Variants in EVI5 observed in about 807,000 individuals in gnomAD.
EVI5 encodes the protein ecotropic viral integration site 5 protein homolog.
Under a neutral mutation model 112.0 loss-of-function variants are expected in EVI5, and 73 were observed. The ratio of observed to expected loss-of-function variants is 0.65; its 90% confidence interval spans 0.54 to 0.79. The LOEUF is 0.79. Among genes scored for constraint, EVI5 ranks in the 30% least tolerant of loss-of-function variants. The pLI, the probability that EVI5 is intolerant of heterozygous loss-of-function variation, is 0.00. For missense variants in EVI5, 900 were observed against 968.8 expected, an observed-to-expected ratio of 0.93 and a Z score of 0.94; for synonymous variants, 305 against 319.9, an observed-to-expected ratio of 0.95 and a Z score of 0.50.
intron 19 of EVI5, among the ~76,000 whole-genome samples, chr1:92,544,468 A>T (rs932825114): frequency 1.3e-5 from 2 of 152,192 alleles, no homozygotes; most frequent in Admixed American, 1.3e-4. Flanking sequence ...TAATATATTT[A>T]AAAAATATTC....
intron 6 of EVI5, 95 bp from the exon 7 acceptor site, chr1:92,695,548 T>C: frequency 1.4e-6 from 1 of 712,902 alleles, no homozygotes; most frequent in Non-Finnish European, 2.2e-6. Context: ...CAAACACAGA[T>C]TAGATCAAGC....
chr1:92,639,242 T>C (rs1659472940), intron 13 of EVI5, among the ~76,000 whole-genome samples: 2 of 152,104 alleles, frequency 1.3e-5, no homozygotes, highest in South Asian at 4.1e-4. Flanking sequence ...GCTTTTCTGG[T>C]GTTGCAAAAA....
intron 2 of EVI5, among the ~76,000 whole-genome samples, chr1:92,707,033 G>A (rs1223481165): frequency 6.6e-6 from 1 of 151,918 alleles, no homozygotes; most frequent in Non-Finnish European, 1.5e-5. Context: ...TATAAAATTA[G>A]CCGGGCATGG....
At chr1:92,708,447 C>A (rs947434086) in intron 2 of EVI5, among the ~76,000 whole-genome samples, 2 of 152,030 alleles carry the variant, frequency 1.3e-5, no homozygotes, top group Non-Finnish European at 2.9e-5. Context: ...AAGATAGTTA[C>A]AATCGAGATG....
intron 9 of EVI5, among the ~76,000 whole-genome samples, chr1:92,683,398 C>T (rs978081123): frequency 4.6e-5 from 7 of 152,152 alleles, no homozygotes; most frequent in Admixed American, 1.3e-4. Flanking sequence ...ACCAAAACCC[C>T]ATCCATAGGT....
chr1:92,641,910 C>T (rs187655617), intron 13 of EVI5, among the ~76,000 whole-genome samples: 2 of 152,192 alleles, frequency 1.3e-5, no homozygotes, highest in East Asian at 1.9e-4. Context: ...GAGGCTGAGG[C>T]GGGTGGATCA....
chr1:92,739,639 T>C (rs1329972371), intron 1 of EVI5, among the ~76,000 whole-genome samples: 1 of 152,180 alleles, frequency 6.6e-6, no homozygotes, highest in Non-Finnish European at 1.5e-5. Context: ...CGTTACATAC[T>C]ATTACAATAG....
At chr1:92,623,518 C>T (rs1184334013) in intron 16 of EVI5, among the ~76,000 whole-genome samples, 1 of 152,138 alleles carries the variant, frequency 6.6e-6, no homozygotes, top group African/African-American at 2.4e-5. Flanking sequence ...ATAAAAAGAC[C>T]TTTGCAGATC....
chr1:92,693,695 T>C, intron 9 of EVI5, 107 bp downstream of exon 9: 1 of 657,532 alleles, frequency 1.5e-6, no homozygotes, highest in Non-Finnish European at 2.7e-6. Context: ...TTGAAACCAA[T>C]ACCACCGAAG....
chr1:92,698,101 C>T (rs80131132), intron 5 of EVI5, 116 bp from the exon 6 acceptor site: 112 of 893,360 alleles, frequency 1.3e-4, no homozygotes, highest in Non-Finnish European at 1.9e-4. Context: ...TGGCTGTGTG[C>T]TGCAATGTTA....
intron 16 of EVI5, among the ~76,000 whole-genome samples, chr1:92,614,559 C>T (rs1343976365): frequency 2.6e-5 from 4 of 151,776 alleles, no homozygotes; most frequent in East Asian, 1.9e-4. Context: ...CAGCTGCCAG[C>T]GAATATAAAG....
At chr1:92,572,063 G>A (rs1670402111) in intron 18 of EVI5, among the ~76,000 whole-genome samples, 2 of 152,198 alleles carry the variant, frequency 1.3e-5, no homozygotes, top group South Asian at 4.1e-4. Context: ...TTCACTCTTG[G>A]TTCTATCTTT....
At position 92,754,774 on chromosome 1, in the gene EVI5, T is replaced by C. The variant is rs537043768; in HGVS notation, c.-81-18147A>G. 3.3e-5 allele frequency among the ~76,000 whole-genome samples: 5 copies of C among 152,318 alleles called. No homozygotes were observed. The East Asian group carries it at 7.7e-4, about 23-fold the overall frequency. ...AAGTCACTCTGATATTTTTGTAATATTCAATTGGTTACACAAGTCAGCCCT... is the reference window on the plus strand; with the variant it reads ...AAGTCACTCTGATATTTTTGTAATACTCAATTGGTTACACAAGTCAGCCCT... On this transcript the variant is annotated intron_variant, in intron 1 of 19. Coordinates refer to ENST00000684568, the MANE Select transcript of EVI5 (RefSeq NM_001350197.2).
intron 2 of EVI5, among the ~76,000 whole-genome samples, chr1:92,716,898 G>A (rs181146623): frequency 1.8e-4 from 27 of 150,728 alleles, no homozygotes; most frequent in Admixed American, 1.5e-3. Context: ...GCAGCTCCTC[G>A]CCAGCAACGG....
chr1:92,636,794 T>TA (rs1219296557), intron 13 of EVI5, among the ~76,000 whole-genome samples: 1 of 152,146 alleles, frequency 6.6e-6, no homozygotes, highest in Admixed American at 6.5e-5. Flanking sequence ...TAATATGAAA[T>TA]AAAAAAATCT....
At chr1:92,606,886 T>TCACA (rs559617956) in intron 17 of EVI5, among the ~76,000 whole-genome samples, 1,012 of 66,278 alleles carry the variant, frequency 0.015, 5 homozygotes, top group East Asian at 0.046. Flanking sequence ...TTTAGTTATT[T>TCACA]CACACACACA....
intron 19 of EVI5, among the ~76,000 whole-genome samples, chr1:92,537,473 CT>C (rs1664088504): frequency 6.6e-5 from 10 of 151,962 alleles, no homozygotes. Flanking sequence ...AGAGGCTTTA[CT>C]TTTTTTTCCA....
intron 16 of EVI5, among the ~76,000 whole-genome samples, chr1:92,611,698 CAAAAAA>C (rs35037095): frequency 2.3e-5 from 2 of 88,566 alleles, no homozygotes. Flanking sequence ...GACTCCGTCA[CAAAAAA>C]AAAAAAAAAA....
chr1:92,632,120 G>T (rs538743767), intron 14 of EVI5, among the ~76,000 whole-genome samples: 1 of 152,164 alleles, frequency 6.6e-6, no homozygotes, highest in Non-Finnish European at 1.5e-5. Flanking sequence ...ATGTTCATCA[G>T]GGATATTGGT....
Sources: gnomAD v4.1 joint callset for allele counts (sites outside exome capture counted in the v4.1 genomes callset) on GRCh38, gnomAD v4.1.1 for gene constraint, MANE v1.5 for transcripts, NCBI Gene and HGNC (gene_info 2026-07-23, HGNC 2026-07-21) for gene names.